The following DOCK10 variants were observed in gnomAD, a reference collection of about 807,000 sequenced individuals.
DOCK10 encodes the protein dedicator of cytokinesis 10.
A neutral mutation model predicts 280.1 loss-of-function variants in DOCK10; 145 were observed. The observed-to-expected ratio is 0.52, with a 90% CI of 0.45 to 0.59. DOCK10 has a LOEUF of 0.59. Among genes scored for constraint, DOCK10 ranks in the 20% least tolerant of loss-of-function variants. The probability of loss-of-function intolerance (pLI) is 0.00; values close to 1 mark genes in which losing one functional copy is unlikely to be tolerated. For synonymous variants in DOCK10, 915 were observed against 942.2 expected, an observed-to-expected ratio of 0.97 and a Z score of 0.53; for missense variants, 2,368 against 2,651.7, an observed-to-expected ratio of 0.89 and a Z score of 2.35.
At chr2:224,775,794 A>G (rs1690811241) in intron 51 of DOCK10, among the ~76,000 whole-genome samples, 1 of 152,208 alleles carries the variant, frequency 6.6e-6, no homozygotes, top group Non-Finnish European at 1.5e-5. Flanking sequence ...AAGCTTCTTG[A>G]GAGTAATTCA....
chr2:224,774,561 C>A (rs556024895), intron 52 of DOCK10, among the ~76,000 whole-genome samples: 1 of 152,122 alleles, frequency 6.6e-6, no homozygotes, highest in African/African-American at 2.4e-5. Context: ...CCAAAGCACA[C>A]GATAAGAGCT....
At chr2:224,894,281 T>C (rs953610151) in intron 4 of DOCK10, among the ~76,000 whole-genome samples, 3 of 152,246 alleles carry the variant, frequency 2.0e-5, no homozygotes, top group African/African-American at 7.2e-5. Context: ...GGAAGAATAC[T>C]GTGAATGTGA....
intron 1 of DOCK10, among the ~76,000 whole-genome samples, chr2:224,978,540 A>G (rs571864607): frequency 6.6e-6 from 1 of 152,236 alleles, no homozygotes; most frequent in Non-Finnish European, 1.5e-5. Context: ...CCTGTCTACC[A>G]GTGAGATAAG....
intron 1 of DOCK10, among the ~76,000 whole-genome samples, chr2:224,968,607 T>C (rs1380408479): frequency 2.6e-5 from 4 of 152,258 alleles, no homozygotes; most frequent in Admixed American, 6.5e-5. Context: ...ATGAATTCTA[T>C]AACAATAATT....
intron 5 of DOCK10, 83 bp downstream of exon 5, chr2:224,886,376 G>C (rs950377864): frequency 1.3e-6 from 2 of 1,486,752 alleles, no homozygotes; most frequent in East Asian, 2.3e-5. Flanking sequence ...ACAACAAACC[G>C]GTCAGAACTC....
Position 224,840,071 on chromosome 2 carries a change from T to A in DOCK10, c.2663A>T (p.Asn888Ile). 2 of 1,478,488 alleles carry A rather than the reference T, an allele frequency of 1.4e-6. No individual in the cohort carries two copies. The highest frequency in any genetic ancestry group is 1.8e-6 in the Non-Finnish European group (2 of 1,084,394). The allele number at this position is 1,478,488 out of a possible 1,614,324, so 91.6% of individuals were successfully genotyped here. Reference protein sequence around the residue: ...PTSNFIRSCKNLLNVEKIHAI... With the variant: ...PTSNFIRSCKILLNVEKIHAI... ...ATGAATCTTTTCCACATTCAATAAGTTCTGTAGTAAATTGGCAGAAAAAAA... is the reference window on the plus strand; with the variant it reads ...ATGAATCTTTTCCACATTCAATAAGATCTGTAGTAAATTGGCAGAAAAAAA... The change falls in exon 24 of 56, where the codon AAC becomes ATC. Residue 888 changes from asparagine (N) to isoleucine (I), a missense_variant and splice_region_variant. Asn to Ile is a moderately radical substitution (Grantham distance 149). Transcript: ENST00000258390.
At position 224,913,887 on chromosome 2, in the gene DOCK10, C is replaced by G. The variant is rs144383011; in HGVS notation, c.333+2808G>C. On this transcript the variant is annotated intron_variant, in intron 3 of 55. Transcript: ENST00000258390. Reference sequence around the variant, plus strand: ...GGACTACAGGCACCCGCCACCACGTCTGGCTAATTTTTTGGTTTTTTTTTG... The same window carrying G: ...GGACTACAGGCACCCGCCACCACGTGTGGCTAATTTTTTGGTTTTTTTTTG... Among the ~76,000 whole-genome samples the G allele has an allele frequency of 4.9e-4, 74 of 152,152 alleles. No individual in the cohort carries two copies. In the East Asian group the frequency reaches 0.013, roughly 27 times the overall value.
intron 25 of DOCK10, among the ~76,000 whole-genome samples, chr2:224,835,755 A>G (rs1695550326): frequency 6.6e-6 from 1 of 152,254 alleles, no homozygotes; most frequent in Admixed American, 6.5e-5. Context: ...CGAGTTGATT[A>G]CATTTATTAG....
At chr2:225,005,064 G>A (rs1002535798) in intron 1 of DOCK10, among the ~76,000 whole-genome samples, 4 of 152,166 alleles carry the variant, frequency 2.6e-5, no homozygotes, top group Non-Finnish European at 5.9e-5. Context: ...AGATATATTA[G>A]AGGCAATTTG....
chr2:224,973,443 T>A (rs957993558), intron 1 of DOCK10, among the ~76,000 whole-genome samples: 1 of 151,412 alleles, frequency 6.6e-6, no homozygotes, highest in Non-Finnish European at 1.5e-5. Flanking sequence ...GAGATCAGAG[T>A]CGGAGAGTCG....
intron 2 of DOCK10, among the ~76,000 whole-genome samples, chr2:224,917,377 C>G (rs1366682888): frequency 6.6e-6 from 1 of 151,944 alleles, no homozygotes; most frequent in Non-Finnish European, 1.5e-5. Flanking sequence ...AAAGTGGAAT[C>G]TTTTTTATTA....
chr2:224,808,820 G>T (rs898515744), intron 31 of DOCK10, among the ~76,000 whole-genome samples: 1 of 151,944 alleles, frequency 6.6e-6, no homozygotes, highest in East Asian at 1.9e-4. Flanking sequence ...GTGTGGCAGG[G>T]TGTAAATGAA....
intron 3 of DOCK10, among the ~76,000 whole-genome samples, chr2:224,897,731 C>G (rs774518169): frequency 3.3e-5 from 5 of 152,156 alleles, no homozygotes; most frequent in Non-Finnish European, 5.9e-5. Context: ...ATGTGAATAA[C>G]TGATAAGCAA....
At chr2:224,830,342 A>G (rs1046788840) in intron 27 of DOCK10, among the ~76,000 whole-genome samples, 199 bp downstream of exon 27, 5 of 151,932 alleles carry the variant, frequency 3.3e-5, no homozygotes, top group African/African-American at 1.2e-4. Flanking sequence ...TGCACTTCCA[A>G]TATTGTCTTG....
rs1224138248 is a variant in DOCK10, at chr2:224,794,996, C to G, written c.5037G>C (p.Glu1679Asp). ...AQMKEHEKDPEMLVDLQYSLA... is the reference protein window; with the variant it reads ...AQMKEHEKDPDMLVDLQYSLA... ...GGCTGTACTGGAGATCCACCAGCAT[C>G]TCGGGGTCCTTCTCGTGCTCCTTCA... The change falls in exon 45 of 56, where the codon GAG becomes GAC. Residue 1679 changes from glutamate to aspartate, a missense_variant. Physicochemically the swap from Glu to Asp is conservative, Grantham distance 45 (BLOSUM62 2). Coordinates refer to ENST00000258390, the MANE Select transcript of DOCK10 (RefSeq NM_014689.3). The G allele has an allele frequency of 4.3e-6, 7 of 1,613,964 alleles. No homozygotes were observed. The highest frequency in any genetic ancestry group is 5.9e-6 in the Non-Finnish European group (7 of 1,179,868).
Position 224,834,222 on chromosome 2 carries a change from A to T in DOCK10, c.2892T>A (p.His964Gln). The T allele has an allele frequency of 6.2e-7, 1 of 1,613,354 alleles. No individual in the cohort carries two copies. The highest frequency in any genetic ancestry group is 8.5e-7 in the Non-Finnish European group (1 of 1,179,336). ...CAGTCACATTTTTAGCCAGTTCCTC[A>T]TGTACAGTCCTCTCCTTGCATGCCC... Reference protein sequence around the residue: ...KTRACKERTVHEELAKNVTGL... With the variant: ...KTRACKERTVQEELAKNVTGL... The change falls in exon 26 of 56, where the codon CAT (histidine) becomes CAA (glutamine). Residue 964 changes from histidine (H) to glutamine (Q), a missense_variant. This residue lies in a region of DOCK10 where 1,209 missense variants were observed against 1,250.9 expected (regional missense o/e 0.97). Coordinates refer to ENST00000258390, the MANE Select transcript of DOCK10 (RefSeq NM_014689.3).
chr2:224,924,105 T>C (rs1038029371), intron 2 of DOCK10, among the ~76,000 whole-genome samples: 1 of 152,216 alleles, frequency 6.6e-6, no homozygotes, highest in African/African-American at 2.4e-5. Flanking sequence ...TATCTACATA[T>C]ATGCTTTCAT....
chr2:224,985,030 T>A (rs965796528), intron 1 of DOCK10, among the ~76,000 whole-genome samples: 2 of 152,034 alleles, frequency 1.3e-5, no homozygotes, highest in African/African-American at 2.4e-5. Context: ...CAGGAAATAT[T>A]TTAAGATTAG....
chr2:224,786,912 C>A lies in DOCK10; in HGVS notation c.5655+110G>T. The A allele has an allele frequency of 1.3e-6, 1 of 798,588 alleles. No homozygotes were observed. The allele number at this position is 798,588 out of a possible 1,614,324, so 49.5% of individuals were successfully genotyped here. A position where few individuals can be genotyped will look rare whatever the true frequency, so the allele number is the denominator to read the frequency against. ...AGAAACACTCAAGTATAGTCAGACA[C>A]ACCCACACCTCTCCATTCACTGGTA... is the stretch of plus-strand genomic sequence containing the variant. On this transcript the variant is annotated intron_variant, in intron 50 of 55. Coordinates refer to ENST00000258390, the MANE Select transcript of DOCK10 (RefSeq NM_014689.3). The surrounding 1 kb of genome is among the most constrained non-coding windows in gnomAD (Gnocchi z 4.7).
Sources: allele counts gnomAD v4.1 joint callset (sites outside exome capture counted in the v4.1 genomes callset), GRCh38; gene constraint gnomAD v4.1.1; regional missense constraint gnomAD v4.1.1; non-coding constraint Gnocchi (gnomAD v3.1); transcripts MANE v1.5; gene names NCBI Gene and HGNC (gene_info 2026-07-23, HGNC 2026-07-21).